EML4: variants seen among roughly 807,000 people sequenced by gnomAD.
EML4 encodes the protein echinoderm microtubule-associated protein-like 4.
EML4 carries 72 observed loss-of-function variants against 129.0 expected under a neutral mutation model. The observed-to-expected ratio is 0.56, with a 90% CI of 0.46 to 0.68. The LOEUF (loss-of-function observed/expected upper bound fraction) is 0.68, where lower values mean the gene tolerates loss of function less well. EML4 is among the 30% of genes least tolerant of loss of function. The pLI is 0.00. For missense variants in EML4, 1,363 were observed against 1,190.6 expected (o/e 1.14, Z -2.13); for synonymous variants, 532 against 405.0 (o/e 1.31, Z -3.77).
chr2:42,244,101 G>GTTTTTTTTTTTT (rs147426155), intron 1 of EML4, among the ~76,000 whole-genome samples: 1 of 81,368 alleles, frequency 1.2e-5, no homozygotes, highest in African/African-American at 3.5e-5. Flanking sequence ...TTTGTTTTTT[G>GTTTTTTTTTTTT]TTTTTTTTTT....
At position 42,260,458 on chromosome 2, in the gene EML4, G is replaced by A. The variant is rs765780692; in HGVS notation, c.339-663G>A. Among the ~76,000 whole-genome samples, 26 of 152,282 alleles carry A rather than the reference G, an allele frequency of 1.7e-4. No homozygotes were observed. The South Asian group carries it at 2.9e-3, about 17-fold the overall frequency. ...TTGGATTACAGGCGTGAGCCAGTGC[G>A]CCCAGCCGCCTCTGTGATTTTTTAA... On this transcript the variant is annotated intron_variant, in intron 3 of 22. Transcript: ENST00000318522.
intron 20 of EML4, 39 bp from the exon 21 acceptor site, chr2:42,326,115 C>CA (rs1248003046): frequency 6.2e-7 from 1 of 1,607,748 alleles, no homozygotes; most frequent in African/African-American, 1.3e-5. Flanking sequence ...CATTTGTACA[C>CA]AAGCACTATG....
At chr2:42,207,628 G>C in intron 1 of EML4, among the ~76,000 whole-genome samples, 1 of 152,180 alleles carries the variant, frequency 6.6e-6, no homozygotes, top group Non-Finnish European at 1.5e-5. Context: ...ATGAGGGCCA[G>C]AGGAGCTTTC....
chr2:42,246,935 C>G (rs548243777), intron 2 of EML4, among the ~76,000 whole-genome samples: 80 of 152,094 alleles, frequency 5.3e-4, no homozygotes, highest in Non-Finnish European at 2.1e-4. Context: ...AAATCAAATA[C>G]CAGTATTTTG....
chr2:42,318,965 C>T (rs573648453), intron 19 of EML4, among the ~76,000 whole-genome samples: 2 of 151,916 alleles, frequency 1.3e-5, no homozygotes, highest in East Asian at 1.9e-4. Flanking sequence ...CTCAGCCTCC[C>T]GAAGTGATGA....
Position 42,286,284 on chromosome 2 carries a change from G to A in EML4, c.1027G>A (p.Val343Ile), listed in dbSNP as rs146370925. 6.6e-5 allele frequency: 106 copies of A among 1,612,266 alleles called. No individual in the cohort carries two copies. Among genetic ancestry groups the A allele is most frequent in the Admixed American group, 2.7e-4 (16 of 60,012 alleles). ...DKDGRPLQPH[V>I]RVWDSVTLST... Reference sequence around the variant, plus strand: ...GTTTTTGCAGCCTCTACAACCCCACGTCAGAGTGTGGGATTCTGTTACTCT... The same window carrying A: ...GTTTTTGCAGCCTCTACAACCCCACATCAGAGTGTGGGATTCTGTTACTCT... Residue 343 changes from valine (V) to isoleucine (I), a missense_variant, in exon 10 of 23, where the codon GTC becomes ATC. Transcript: ENST00000318522.
intron 1 of EML4, among the ~76,000 whole-genome samples, chr2:42,192,738 A>G (rs557490604): frequency 2.2e-4 from 34 of 152,302 alleles, no homozygotes; most frequent in African/African-American, 7.7e-4. Context: ...GGCTCCCACT[A>G]GGATTCAAAA....
intron 1 of EML4, among the ~76,000 whole-genome samples, chr2:42,191,978 A>G (rs1671610697): frequency 6.6e-6 from 1 of 152,018 alleles, no homozygotes; most frequent in Admixed American, 6.6e-5. Context: ...CATCCCTACT[A>G]AAAATACAAA....
At chr2:42,253,796 T>C (rs1675947543) in intron 2 of EML4, among the ~76,000 whole-genome samples, 1 of 152,188 alleles carries the variant, frequency 6.6e-6, no homozygotes, top group Non-Finnish European at 1.5e-5. Context: ...AGATGGATCA[T>C]AGACCTCAAT....
At chr2:42,287,481 AGAG>A (rs1667374432) in intron 10 of EML4, among the ~76,000 whole-genome samples, 1 of 152,188 alleles carries the variant, frequency 6.6e-6, no homozygotes, top group South Asian at 2.1e-4. Flanking sequence ...TAAGAGATAA[AGAG>A]GAGAAGAGAG....
intron 5 of EML4, 126 bp from the exon 6 acceptor site, chr2:42,264,580 T>G: frequency 3.1e-6 from 2 of 653,810 alleles, no homozygotes; most frequent in Non-Finnish European, 5.4e-6. Flanking sequence ...ATTTCTTACT[T>G]TCACTTCCAG....
rs565482292 is a variant in EML4, at chr2:42,209,860, C to T, written c.26-35645C>T. The stretch of plus-strand genomic sequence containing the variant: ...AGGAGAATTGCTTGAACCCAGGAGG[C>T]GGAGATTGCAGGGAGCCAAGATCAT... On this transcript the variant is annotated intron_variant, in intron 1 of 22. Transcript: ENST00000318522. Among the ~76,000 whole-genome samples, 33 of 152,120 alleles carry T rather than the reference C, an allele frequency of 2.2e-4. No homozygotes were observed. The South Asian group carries it at 6.4e-3, about 30-fold the overall frequency.
intron 2 of EML4, among the ~76,000 whole-genome samples, chr2:42,247,942 G>A (rs973596236): frequency 4.6e-5 from 7 of 151,984 alleles, no homozygotes; most frequent in Non-Finnish European, 1.0e-4. Flanking sequence ...AAATGATAAC[G>A]ATGTTTGATT....
intron 17 of EML4, among the ~76,000 whole-genome samples, chr2:42,307,142 A>T (rs539122418): frequency 1.1e-4 from 16 of 152,368 alleles, no homozygotes; most frequent in Middle Eastern, 3.4e-3. Context: ...TTGGTTGAAG[A>T]AAACACTGTG....
At chr2:42,304,825 C>T (rs776667483) in intron 17 of EML4, among the ~76,000 whole-genome samples, 33 of 152,142 alleles carry the variant, frequency 2.2e-4, no homozygotes, top group Non-Finnish European at 3.8e-4. Flanking sequence ...GTGTATGGGA[C>T]AGAATAAAAA....
chr2:42,211,283 T>A (rs1309950455), intron 1 of EML4, among the ~76,000 whole-genome samples: 1 of 152,158 alleles, frequency 6.6e-6, no homozygotes, highest in Non-Finnish European at 1.5e-5. Context: ...GGTAGGGGTG[T>A]GAGGCTTATA....
chr2:42,255,845 G>A (rs1157105089), intron 2 of EML4, among the ~76,000 whole-genome samples: 1 of 152,014 alleles, frequency 6.6e-6, no homozygotes, highest in Admixed American at 6.6e-5. Context: ...ACTTCCTAAG[G>A]TACTAGATAT....
intron 11 of EML4, among the ~76,000 whole-genome samples, chr2:42,291,396 ACCTTTTTTTT>A (rs1490858896): frequency 8.1e-6 from 1 of 124,162 alleles, no homozygotes; most frequent in Non-Finnish European, 1.7e-5. Context: ...TTATCAAGAC[ACCTTTTTTTT>A]TTTTTTTTTT....
At chr2:42,308,597 TA>T (rs759369937) in intron 17 of EML4, among the ~76,000 whole-genome samples, 6 of 152,146 alleles carry the variant, frequency 3.9e-5, no homozygotes, top group Non-Finnish European at 8.8e-5. Context: ...AAATAAAAAA[TA>T]ATTCAAATAC....
Sources: gnomAD v4.1 joint callset for allele counts (sites outside exome capture counted in the v4.1 genomes callset) on GRCh38, gnomAD v4.1.1 for gene constraint, MANE v1.5 for transcripts, NCBI Gene and HGNC (gene_info 2026-07-23, HGNC 2026-07-21) for gene names.